FTO: variants seen among roughly 807,000 people sequenced by gnomAD.
FTO encodes the protein alpha-ketoglutarate-dependent dioxygenase FTO.
In FTO, 47 loss-of-function variants were observed where a neutral mutation model predicts 63.9. The ratio of observed to expected loss-of-function variants is 0.74; its 90% CI spans 0.58 to 0.94. The LOEUF is 0.94. FTO is among the 40% of genes least tolerant of loss of function. The pLI, the probability that FTO is intolerant of heterozygous loss-of-function variation, is 0.00. For missense variants in FTO, 562 were observed against 618.1 expected, an observed-to-expected ratio of 0.91 and a Z score of 0.96; for synonymous variants, 207 against 224.4, an observed-to-expected ratio of 0.92 and a Z score of 0.69.
At chr16:53,931,279 AT>A (rs1780768790) in intron 7 of FTO, among the ~76,000 whole-genome samples, 3 of 150,108 alleles carry the variant, frequency 2.0e-5, no homozygotes, top group Admixed American at 2.0e-4. Flanking sequence ...ATCCACAGAT[AT>A]AACCACAAAC....
At position 54,113,652 on chromosome 16, in the gene FTO, G is replaced by C. The variant is rs2086938325; in HGVS notation, c.*1737G>C. ...ATAACATAGACCAGGAGGGCGTGGT[G>C]TTTAAAAGTCACAGATGGGGCACCC... On this transcript the variant is annotated 3_prime_UTR_variant, in exon 9 of 9. Coordinates refer to ENST00000471389, the MANE Select transcript of FTO (RefSeq NM_001080432.3). 1.3e-5 allele frequency: 2 copies of C among 152,156 alleles called. No homozygotes were observed. Among genetic ancestry groups the C allele is most frequent in the Non-Finnish European group, 2.9e-5 (2 of 68,058 alleles). The allele number at this position is 152,156 out of a possible 1,614,324, so 9.4% of individuals were successfully genotyped here. A position where few individuals can be genotyped will look rare whatever the true frequency, so the allele number is the denominator to read the frequency against.
intron 8 of FTO, among the ~76,000 whole-genome samples, chr16:54,000,830 A>G (rs1337214389): frequency 3.3e-5 from 5 of 152,230 alleles, no homozygotes; most frequent in African/African-American, 1.2e-4. Context: ...CATGGGGCAT[A>G]CTTTCACATT....
intron 1 of FTO, among the ~76,000 whole-genome samples, chr16:53,736,022 T>A (rs1045201333): frequency 1.3e-5 from 2 of 150,714 alleles, no homozygotes; most frequent in Non-Finnish European, 1.5e-5. Flanking sequence ...AGCAAGCTCT[T>A]ATGGCACTAA....
intron 1 of FTO, among the ~76,000 whole-genome samples, chr16:53,802,107 T>G (rs978334205): frequency 1.3e-5 from 2 of 152,162 alleles, no homozygotes; most frequent in South Asian, 4.1e-4. Flanking sequence ...ACATAGTACC[T>G]TCATCTCTTG....
rs1599385865 is a variant in FTO, at chr16:54,112,068, T to A, written c.*153T>A. The A allele has an allele frequency of 1.3e-6, 1 of 790,284 alleles. No individual in the cohort carries two copies. The highest frequency in any genetic ancestry group is 1.7e-5 in the African/African-American group (1 of 58,258). 49.0% of individuals were successfully genotyped at this position (790,284 alleles called of 1,614,324 possible). ...CAAAACAGCTAGGAAATGGTGCCCA[T>A]GAAGTTTTAAATGTTTTAAAATGAC... On this transcript the variant is annotated 3_prime_UTR_variant, in exon 9 of 9. Transcript: ENST00000471389.
chr16:53,799,754 G>A (rs78080501), intron 1 of FTO, among the ~76,000 whole-genome samples: 15,215 of 152,090 alleles, frequency 0.1, 1,108 homozygotes, highest in African/African-American at 0.21. Flanking sequence ...GTACATGCCC[G>A]GTTTAGCCTA....
At chr16:54,093,312 G>T (rs1233810773) in intron 8 of FTO, among the ~76,000 whole-genome samples, 1 of 152,254 alleles carries the variant, frequency 6.6e-6, no homozygotes, top group Non-Finnish European at 1.5e-5. Context: ...CTATCAGCTA[G>T]CGCGGCAGAA....
intron 8 of FTO, among the ~76,000 whole-genome samples, chr16:54,049,323 A>G (rs1239266152): frequency 1.3e-5 from 2 of 152,178 alleles, no homozygotes; most frequent in African/African-American, 4.8e-5. Context: ...CAGGGAAGAG[A>G]GACAGAGACC....
In FTO at chr16:53,935,350, C is replaced by T. The variant is rs1472235338; in HGVS notation, c.1364+1241C>T. Among the ~76,000 whole-genome samples, 6 of 152,092 alleles carry T rather than the reference C, an allele frequency of 3.9e-5. No homozygotes were observed. In the East Asian group the frequency reaches 1.2e-3, roughly 29 times the overall value. On this transcript the variant is annotated intron_variant, in intron 8 of 8. Transcript: ENST00000471389. ...TATCATAAAAATAAGTTTGTCTGAACAAGGCTGAAGATGAGCATTTTCCAA... is the reference window on the plus strand; with the variant it reads ...TATCATAAAAATAAGTTTGTCTGAATAAGGCTGAAGATGAGCATTTTCCAA...
chr16:53,960,683 C>T (rs2083054095), intron 8 of FTO, among the ~76,000 whole-genome samples: 1 of 150,062 alleles, frequency 6.7e-6, no homozygotes, highest in South Asian at 2.1e-4. Flanking sequence ...GAACCCTGAC[C>T]ACAAGGAATG....
intron 7 of FTO, among the ~76,000 whole-genome samples, chr16:53,891,958 C>T (rs891464986): frequency 3.9e-5 from 6 of 152,136 alleles, no homozygotes; most frequent in African/African-American, 1.4e-4. Flanking sequence ...CTCTCCTCAG[C>T]GTGTCTTGGG....
intron 8 of FTO, among the ~76,000 whole-genome samples, chr16:53,996,434 T>C (rs1362588117): frequency 6.6e-6 from 1 of 152,190 alleles, no homozygotes; most frequent in Non-Finnish European, 1.5e-5. Context: ...ACTGGAGCAT[T>C]CATCATTCAA....
At chr16:53,896,584 T>G (rs895190480) in intron 7 of FTO, among the ~76,000 whole-genome samples, 127 of 152,318 alleles carry the variant, frequency 8.3e-4, no homozygotes, top group African/African-American at 2.6e-3. Flanking sequence ...TCACTAAAAC[T>G]GTTGCCTCTT....
chr16:53,957,618 C>T (rs2082960626), intron 8 of FTO, among the ~76,000 whole-genome samples: 1 of 152,220 alleles, frequency 6.6e-6, no homozygotes, highest in African/African-American at 2.4e-5. Flanking sequence ...ACTCTAATTT[C>T]AGTTTCTCTG....
chr16:53,732,061 T>A (rs920570203), intron 1 of FTO, among the ~76,000 whole-genome samples: 39 of 143,820 alleles, frequency 2.7e-4, no homozygotes, highest in Middle Eastern at 3.8e-3. Context: ...TTTTTTTTTT[T>A]TTTTTGAGAC....
chr16:53,849,503 G>A (rs1282014239), intron 4 of FTO, among the ~76,000 whole-genome samples: 1 of 152,194 alleles, frequency 6.6e-6, no homozygotes, highest in Non-Finnish European at 1.5e-5. Flanking sequence ...AGAAAGGGAA[G>A]TTTTACCAAT....
intron 1 of FTO, among the ~76,000 whole-genome samples, chr16:53,804,718 C>T (rs1278421102): frequency 1.3e-5 from 2 of 148,276 alleles, no homozygotes; most frequent in South Asian, 2.1e-4. Context: ...CAGGTTCAAG[C>T]GATTCTCTTG....
intron 8 of FTO, chr16:54,008,706 A>G (rs1442279971): frequency 6.6e-6 from 1 of 151,010 alleles, no homozygotes; most frequent in East Asian, 1.9e-4. Flanking sequence ...TTTCTTACCC[A>G]CTCCGGCATC....
chr16:53,756,021 G>A (rs140771335), intron 1 of FTO, among the ~76,000 whole-genome samples: 6 of 152,112 alleles, frequency 3.9e-5, no homozygotes, highest in Admixed American at 1.3e-4. Flanking sequence ...AGATGAAAAC[G>A]CCAAACCCTT....
Sources: allele counts gnomAD v4.1 joint callset (sites outside exome capture counted in the v4.1 genomes callset), GRCh38; gene constraint gnomAD v4.1.1; transcripts MANE v1.5; gene names NCBI Gene and HGNC (gene_info 2026-07-23, HGNC 2026-07-21).